Variants in ATRX observed in about 807,000 individuals in gnomAD.
The protein encoded by ATRX is ATRX chromatin remodeler.
ATRX carries 12 observed loss-of-function variants against 172.6 expected under a neutral mutation model. The ratio of observed to expected loss-of-function variants is 0.07; its 90% CI spans 0.04 to 0.11. The LOEUF (loss-of-function observed/expected upper bound fraction) is 0.11, where lower values mean the gene tolerates loss of function less well. Ranked by LOEUF, ATRX falls within the 10% of genes least tolerant of loss-of-function variation. The pLI is 1.00. For missense variants in ATRX, 1,368 were observed against 1,767.4 expected (o/e 0.77, Z 4.05); for synonymous variants, 674 against 594.7 (o/e 1.13, Z -1.94).
intron 1 of ATRX, among the ~76,000 whole-genome samples, chrX:77,744,230 T>C (rs1241816961): frequency 2.7e-5 from 3 of 111,956 alleles, no homozygotes; most frequent in Non-Finnish European, 5.6e-5. Context: ...GGCAGAAGGA[T>C]CACTTATGCC....
intron 27 of ATRX, among the ~76,000 whole-genome samples, chrX:77,578,446 T>C (rs1839003532): frequency 8.9e-6 from 1 of 112,227 alleles, no homozygotes; most frequent in South Asian, 3.7e-4. Flanking sequence ...AAAAGCACTT[T>C]GTTTTGCAAC....
intron 15 of ATRX, among the ~76,000 whole-genome samples, chrX:77,648,082 A>G (rs2069006088): frequency 8.9e-6 from 1 of 111,856 alleles, no homozygotes; most frequent in Non-Finnish European, 1.9e-5. Flanking sequence ...AACCAGAAAG[A>G]TGTAATCCTA....
intron 30 of ATRX, among the ~76,000 whole-genome samples, chrX:77,549,120 C>G (rs1416261977): frequency 8.0e-5 from 9 of 112,025 alleles, no homozygotes; most frequent in African/African-American, 2.6e-4. Flanking sequence ...GGTGGTGACT[C>G]ATGCCTGTAA....
intron 17 of ATRX, 141 bp from the exon 18 acceptor site, chrX:77,633,853 GAGAT>G (rs2068222416): frequency 1.6e-6 from 1 of 613,637 alleles, no homozygotes; most frequent in Admixed American, 3.4e-5. Flanking sequence ...CACAGGGAAA[GAGAT>G]AGTAAAATGC....
chrX:77,628,362 G>A (rs1283786169), intron 19 of ATRX, among the ~76,000 whole-genome samples: 1 of 112,517 alleles, frequency 8.9e-6, no homozygotes, highest in African/African-American at 3.2e-5. Flanking sequence ...AGTACATTAA[G>A]TAGAAAAATA....
intron 15 of ATRX, among the ~76,000 whole-genome samples, chrX:77,644,980 CAA>C (rs1189696332): frequency 1.8e-5 from 2 of 110,817 alleles, no homozygotes; most frequent in Non-Finnish European, 3.8e-5. Flanking sequence ...AGGCCAAAGA[CAA>C]AGAGAATATT....
chrX:77,529,362 T>C (rs1046737165), intron 30 of ATRX, among the ~76,000 whole-genome samples: 13 of 111,205 alleles, frequency 1.2e-4, no homozygotes, highest in Middle Eastern at 4.6e-3. Context: ...CATCAGATTA[T>C]CCAAGGTCGA....
chrX:77,523,182 C>T (rs2147757485), intron 31 of ATRX, 70 bp downstream of exon 31: 1 of 1,139,037 alleles, frequency 8.8e-7, no homozygotes, highest in Non-Finnish European at 1.2e-6. Flanking sequence ...CAAATGTGAC[C>T]CTTTTCTTCT....
In ATRX at chrX:77,709,583, A is replaced by AAAAT. The variant is rs782625163; in HGVS notation, c.133+7544_133+7547dup. Among the ~76,000 whole-genome samples the AAAAT allele has an allele frequency of 3.9e-4, 43 of 110,169 alleles. No homozygotes were observed. In the East Asian group the frequency reaches 5.4e-3, roughly 14 times the overall value. Reference sequence around the variant, plus strand: ...ACAGGTACCACTGAACCTAAAAGTTAAAATAAATAAATAAATAAATACCAA... The same window carrying AAAAT: ...ACAGGTACCACTGAACCTAAAAGTTAAAATAAATAAATAAATAAATAAATACCAA... On this transcript the variant is annotated intron_variant, in intron 2 of 34. Coordinates refer to ENST00000373344, the MANE Select transcript of ATRX (RefSeq NM_000489.6).
At chrX:77,634,263 T>G (rs1472804522) in intron 17 of ATRX, among the ~76,000 whole-genome samples, 1 of 91,641 alleles carries the variant, frequency 1.1e-5, no homozygotes, top group African/African-American at 4.0e-5. Context: ...AAAAGGTAAT[T>G]TCTACCTTAG....
chrX:77,665,577 C>A (rs1395576487), intron 10 of ATRX, among the ~76,000 whole-genome samples: 1 of 111,796 alleles, frequency 8.9e-6, no homozygotes, highest in East Asian at 2.8e-4. Flanking sequence ...GAAAACACTA[C>A]TTTTACTCCT....
rs782159753 is a variant in ATRX at position 77,593,782 on chromosome X, A to G, written c.6024T>C (p.Asp2008=). Residue 2008 remains aspartate (D), a synonymous_variant, in exon 26 of 35, where the codon GAT becomes GAC. Transcript: ENST00000373344. ...APDWYKDFVT[D]ADAEVLEHSG... ...AATGCTCTAAAACCTCAGCATCAGC[A>G]TCTGTAACAAAATCTTTGTACCAGT... is the stretch of plus-strand genomic sequence containing the variant. The G allele has an allele frequency of 1.7e-5, 21 of 1,208,407 alleles. No homozygotes were observed. In the Admixed American group the frequency reaches 4.6e-4, roughly 26 times the overall value.
chrX:77,772,723 C>G (rs1237412365), intron 1 of ATRX, among the ~76,000 whole-genome samples: 1 of 109,684 alleles, frequency 9.1e-6, no homozygotes, highest in Non-Finnish European at 1.9e-5. Flanking sequence ...CCTCGTGATC[C>G]ATCCGCCTCG....
chrX:77,607,868 A>G (rs2066982904), intron 22 of ATRX, among the ~76,000 whole-genome samples: 1 of 110,782 alleles, frequency 9.0e-6, no homozygotes. Flanking sequence ...CACCTAAAGC[A>G]ATCTTCATAT....
intron 22 of ATRX, among the ~76,000 whole-genome samples, chrX:77,609,811 G>C (rs1299888652): frequency 8.9e-6 from 1 of 111,912 alleles, no homozygotes; most frequent in African/African-American, 3.3e-5. Flanking sequence ...AACTCACAGA[G>C]ATAGAATGTA....
At chrX:77,785,839 T>C in intron 1 of ATRX, 143 bp downstream of exon 1, 2 of 743,530 alleles carry the variant, frequency 2.7e-6, no homozygotes, top group Non-Finnish European at 3.1e-6. Context: ...CCGAAACCCT[T>C]CTCACCTAAA....
chrX:77,786,213 C>G lies in ATRX; in HGVS notation c.-212G>C. 1 of 425,185 alleles carries G rather than the reference C, an allele frequency of 2.4e-6. No individual in the cohort carries two copies. The allele number at this position is 425,185 out of a possible 1,213,427, so 35.0% of individuals were successfully genotyped here. On this transcript the variant is annotated 5_prime_UTR_variant, in exon 1 of 35. Coordinates refer to ENST00000373344, the MANE Select transcript of ATRX (RefSeq NM_000489.6). ...CGCTGCCGCCGCCATTTTGTTGGGC[C>G]GAGGCTCAGGCAGGAGAATTGGCGC...
chrX:77,692,955 C>T (rs1439990116), intron 6 of ATRX, among the ~76,000 whole-genome samples: 2 of 109,046 alleles, frequency 1.8e-5, no homozygotes, highest in Non-Finnish European at 3.8e-5. Flanking sequence ...GGTGCAATCA[C>T]GGCTCACTGC....
rs587780287 is a variant in ATRX, at chrX:77,698,632, A to G, written c.134-3T>C. ...ACTTCCAGAACCACTGATTTTATCT[A>G]AAAAAGAAGAAATAAAGAACATTAT... On this transcript the variant is annotated splice_region_variant and splice_polypyrimidine_tract_variant and intron_variant, in intron 2 of 34. Transcript: ENST00000373344. 1 of 1,187,392 alleles carries G rather than the reference A, an allele frequency of 8.4e-7. No individual in the cohort carries two copies. Among genetic ancestry groups the G allele is most frequent in the East Asian group, 3.0e-5 (1 of 33,653 alleles).
Sources: allele counts gnomAD v4.1 joint callset (sites outside exome capture counted in the v4.1 genomes callset), GRCh38; gene constraint gnomAD v4.1.1; transcripts MANE v1.5; gene names NCBI Gene and HGNC (gene_info 2026-07-23, HGNC 2026-07-21).